Variants in IPCEF1 observed in about 807,000 individuals in gnomAD.
IPCEF1 encodes the protein interaction protein for cytohesin exchange factors 1, also known as interactor protein for cytohesin exchange factors 1.
In IPCEF1, 31 loss-of-function variants were observed where a neutral mutation model predicts 50.9. That is an observed-to-expected ratio of 0.61 (90% CI 0.46 to 0.82). The LOEUF (loss-of-function observed/expected upper bound fraction) is 0.82. IPCEF1 is among the 40% of genes least tolerant of loss of function. IPCEF1 has a pLI of 0.00. For missense variants in IPCEF1, 458 were observed against 514.0 expected (o/e 0.89, Z 1.05); for synonymous variants, 181 against 192.0 (o/e 0.94, Z 0.47).
At chr6:154,166,068 G>A (rs1308699807) in intron 11 of IPCEF1, among the ~76,000 whole-genome samples, 1 of 152,252 alleles carries the variant, frequency 6.6e-6, no homozygotes, top group Non-Finnish European at 1.5e-5. Flanking sequence ...CCTGGGGGCA[G>A]AGGCATTTGA....
At chr6:154,246,294 C>T (rs916804014) in intron 5 of IPCEF1, among the ~76,000 whole-genome samples, 5 of 152,102 alleles carry the variant, frequency 3.3e-5, no homozygotes, top group South Asian at 2.1e-4. Context: ...TAGAATCCCT[C>T]GTGGAATAGT....
At chr6:154,204,094 A>T (rs1777291095) in intron 9 of IPCEF1, among the ~76,000 whole-genome samples, 1 of 152,238 alleles carries the variant, frequency 6.6e-6, no homozygotes, top group Non-Finnish European at 1.5e-5. Flanking sequence ...AGTTAAAGAC[A>T]TTTCAAAAAT....
At chr6:154,280,181 T>C (rs1387676377) in intron 2 of IPCEF1, among the ~76,000 whole-genome samples, 1 of 152,244 alleles carries the variant, frequency 6.6e-6, no homozygotes. Flanking sequence ...CCACAACCTT[T>C]ACTCTAAGAT....
chr6:154,198,216 T>C (rs1237702778), intron 10 of IPCEF1, among the ~76,000 whole-genome samples: 2 of 152,210 alleles, frequency 1.3e-5, no homozygotes, highest in Non-Finnish European at 2.9e-5. Flanking sequence ...TATCTCCTTT[T>C]GACTTGCACC....
chr6:154,255,977 T>TA lies in IPCEF1; in HGVS notation c.37-8490dup, dbSNP rs199874190. ...CGAGCTTTTAACTTTTTATTTAATT[T>TA]AAAATGAAGCTATCTTCTAATTTTT... On this transcript the variant is annotated intron_variant, in intron 3 of 11. Transcript: ENST00000367220. 8.7e-3 allele frequency among the ~76,000 whole-genome samples: 1,323 copies of TA among 152,352 alleles called. 6 individuals are homozygous for TA. The highest frequency in any genetic ancestry group is 0.031 in the Middle Eastern group (9 of 294).
chr6:154,176,272 A>T (rs186860676), intron 10 of IPCEF1, among the ~76,000 whole-genome samples: 1 of 152,358 alleles, frequency 6.6e-6, no homozygotes, highest in East Asian at 1.9e-4. Flanking sequence ...TAAGACAAGG[A>T]TGCCCTCTCT....
chr6:154,284,133 T>A (rs1782296175), intron 2 of IPCEF1, among the ~76,000 whole-genome samples: 1 of 152,248 alleles, frequency 6.6e-6, no homozygotes, highest in Admixed American at 6.5e-5. Flanking sequence ...TTACATTTAA[T>A]TTCAAGTAAT....
intron 5 of IPCEF1, among the ~76,000 whole-genome samples, chr6:154,240,215 G>T (rs951090912): frequency 1.3e-5 from 2 of 152,142 alleles, no homozygotes; most frequent in African/African-American, 2.4e-5. Flanking sequence ...TAATAATTAA[G>T]CAATTCCTTC....
At chr6:154,218,396 G>A (rs1258847582) in intron 7 of IPCEF1, among the ~76,000 whole-genome samples, 1 of 152,196 alleles carries the variant, frequency 6.6e-6, no homozygotes, top group African/African-American at 2.4e-5. Context: ...AACATGCGGA[G>A]TTTCTACTAA....
intron 1 of IPCEF1, among the ~76,000 whole-genome samples, chr6:154,353,374 G>GCCTC (rs1784151031): frequency 7.0e-6 from 1 of 142,912 alleles, no homozygotes; most frequent in Non-Finnish European, 1.5e-5. Flanking sequence ...GGCTCACTGC[G>GCCTC]CCTCCCGGAT....
In IPCEF1 at chr6:154,159,504, A is replaced by G. The variant is rs1798846533; in HGVS notation, c.*324T>C. The G allele has an allele frequency of 1.0e-5, 3 of 300,100 alleles. No homozygotes were observed. The highest frequency in any genetic ancestry group is 1.8e-5 in the Non-Finnish European group (3 of 164,054). 18.6% of individuals were successfully genotyped at this position (300,100 alleles called of 1,614,324 possible). A position where few individuals can be genotyped will look rare whatever the true frequency, so the allele number is the denominator to read the frequency against. On this transcript the variant is annotated 3_prime_UTR_variant, in exon 12 of 12. Coordinates refer to ENST00000367220, the MANE Select transcript of IPCEF1 (RefSeq NM_001130700.2). Reference sequence around the variant, plus strand: ...CTGGTAAAATTTGATTCTTGTCCATAGCATTCTCTGGAGAGCAATGAACAG... The same window carrying G: ...CTGGTAAAATTTGATTCTTGTCCATGGCATTCTCTGGAGAGCAATGAACAG...
chr6:154,338,497 T>A (rs1783835547), intron 1 of IPCEF1, among the ~76,000 whole-genome samples: 1 of 152,116 alleles, frequency 6.6e-6, no homozygotes, highest in African/African-American at 2.4e-5. Context: ...AAAGAGAAGG[T>A]CTTTAAATTG....
chr6:154,173,367 TTC>T (rs1800030709), intron 10 of IPCEF1, among the ~76,000 whole-genome samples: 2 of 152,074 alleles, frequency 1.3e-5, no homozygotes, highest in Admixed American at 6.6e-5. Context: ...AATAACAAAC[TTC>T]TCTGAGCTAA....
chr6:154,301,233 G>A (rs1157256149), intron 1 of IPCEF1, among the ~76,000 whole-genome samples: 1 of 152,182 alleles, frequency 6.6e-6, no homozygotes, highest in African/African-American at 2.4e-5. Flanking sequence ...TCACATTATA[G>A]TTTGGACTCA....
chr6:154,218,370 T>A (rs1295025204), intron 7 of IPCEF1, among the ~76,000 whole-genome samples: 1 of 152,222 alleles, frequency 6.6e-6, no homozygotes. Flanking sequence ...TACTTTTAAA[T>A]TGAGACTCAC....
chr6:154,209,070 T>C (rs2128602230), intron 9 of IPCEF1, among the ~76,000 whole-genome samples: 1 of 152,330 alleles, frequency 6.6e-6, no homozygotes, highest in East Asian at 1.9e-4. Context: ...ATTCAGCCCA[T>C]TAGAAGCAGA....
chr6:154,256,086 G>C (rs1195454376), intron 3 of IPCEF1, among the ~76,000 whole-genome samples: 1 of 152,080 alleles, frequency 6.6e-6, no homozygotes, highest in Non-Finnish European at 1.5e-5. Context: ...TGCTGTAACA[G>C]AGTACCATAG....
At chr6:154,223,289 G>A (rs1779007874) in intron 5 of IPCEF1, 46 bp from the exon 6 acceptor site, 1 of 1,366,286 alleles carries the variant, frequency 7.3e-7, no homozygotes, top group Admixed American at 1.7e-5. Flanking sequence ...CATCAATCCT[G>A]GGGATTAGTG....
At chr6:154,277,620 A>G (rs899312196) in intron 2 of IPCEF1, among the ~76,000 whole-genome samples, 1 of 152,222 alleles carries the variant, frequency 6.6e-6, no homozygotes, top group South Asian at 2.1e-4. Context: ...TTTTTCCAGG[A>G]AGCATTGGCT....
Sources: gnomAD v4.1 joint callset for allele counts (sites outside exome capture counted in the v4.1 genomes callset) on GRCh38, gnomAD v4.1.1 for gene constraint, MANE v1.5 for transcripts, NCBI Gene and HGNC (gene_info 2026-07-23, HGNC 2026-07-21) for gene names.